The following AGBL1 variants were observed in gnomAD, a reference collection of about 807,000 sequenced individuals.
The protein encoded by AGBL1 is cytosolic carboxypeptidase 4.
A neutral mutation model predicts 118.9 loss-of-function variants in AGBL1; 130 were observed. The ratio of observed to expected loss-of-function variants is 1.09; its 90% CI spans 0.95 to 1.26. The LOEUF (loss-of-function observed/expected upper bound fraction) is 1.26, where lower values mean the gene tolerates loss of function less well. Among genes scored for constraint, AGBL1 ranks in the 50% most tolerant of loss-of-function variants. The pLI, the probability that AGBL1 is intolerant of heterozygous loss-of-function variation, is 0.00. For synonymous variants in AGBL1, 555 were observed against 478.9 expected (o/e 1.16, Z -2.08); for missense variants, 1,584 against 1,298.1 (o/e 1.22, Z -3.38).
At chr15:86,766,520 C>T (rs572433015) in intron 22 of AGBL1, among the ~76,000 whole-genome samples, 31 of 151,702 alleles carry the variant, frequency 2.0e-4, no homozygotes, top group Non-Finnish European at 3.7e-4. Context: ...ATCCTAGGCC[C>T]ATCAATTACA....
rs566760102 is a variant in AGBL1 at position 86,087,292 on chromosome 15, C to G, written c.51+7269C>G. Among the ~76,000 whole-genome samples the G allele has an allele frequency of 6.7e-5, 10 of 149,990 alleles. No homozygotes were observed. The South Asian group carries it at 2.1e-3, about 32-fold the overall frequency. ...TGAAACAGCTTCTGCAAGTCAGGAGCTATGCAAAGTTTTTCACATGCATTG... is the reference window on the plus strand; with the variant it reads ...TGAAACAGCTTCTGCAAGTCAGGAGGTATGCAAAGTTTTTCACATGCATTG... On this transcript the variant is annotated intron_variant, in intron 1 of 22. Coordinates refer to ENST00000614907, the MANE Select transcript of AGBL1 (RefSeq NM_001386094.1).
chr15:86,362,190 TTTTA>T (rs1426047460), intron 17 of AGBL1, among the ~76,000 whole-genome samples: 1 of 149,354 alleles, frequency 6.7e-6, no homozygotes, highest in African/African-American at 2.5e-5. Context: ...AAAACTATAC[TTTTA>T]CTCTCTCACA....
chr15:86,140,131 A>C (rs1023674509), intron 1 of AGBL1: 1 of 165,490 alleles, frequency 6.0e-6, no homozygotes, highest in Admixed American at 6.1e-5. Context: ...GTCAGATGCC[A>C]AGTTCTTCAC....
intron 23 of AGBL1, among the ~76,000 whole-genome samples, chr15:86,934,270 G>A (rs2080639811): frequency 6.6e-6 from 1 of 152,132 alleles, no homozygotes; most frequent in South Asian, 2.1e-4. Flanking sequence ...CAAAGTAGGG[G>A]CATCAAATGA....
intron 21 of AGBL1, among the ~76,000 whole-genome samples, chr15:86,665,350 A>G (rs958666106): frequency 1.7e-4 from 10 of 57,614 alleles, no homozygotes; most frequent in Non-Finnish European, 3.3e-4. Flanking sequence ...TTTCCTTGGA[A>G]AGACTGCAGT....
At chr15:86,834,630 C>T (rs989210614) in intron 22 of AGBL1, among the ~76,000 whole-genome samples, 17 of 152,188 alleles carry the variant, frequency 1.1e-4, no homozygotes, top group Non-Finnish European at 2.5e-4. Flanking sequence ...TATGTACCCT[C>T]TCTGATCCTT....
At chr15:86,570,245 G>A (rs1310519812) in intron 21 of AGBL1, among the ~76,000 whole-genome samples, 1 of 152,220 alleles carries the variant, frequency 6.6e-6, no homozygotes, top group African/African-American at 2.4e-5. Context: ...GCTGGGGGAG[G>A]TCCCCAAACA....
chr15:86,871,812 G>C (rs1292904823), intron 22 of AGBL1, among the ~76,000 whole-genome samples: 2 of 152,144 alleles, frequency 1.3e-5, no homozygotes, highest in African/African-American at 4.8e-5. Context: ...TGCCAAAAGA[G>C]TTTTTGGGAC....
At chr15:86,298,181 G>A (rs776245550) in intron 17 of AGBL1, among the ~76,000 whole-genome samples, 18 of 146,204 alleles carry the variant, frequency 1.2e-4, no homozygotes, top group Non-Finnish European at 1.9e-4. Flanking sequence ...CCTAAGCCAC[G>A]TGCTGGGGCA....
chr15:86,359,387 CTTTTTTTTT>C (rs56189861), intron 17 of AGBL1, among the ~76,000 whole-genome samples: 3 of 93,808 alleles, frequency 3.2e-5, no homozygotes, highest in East Asian at 3.5e-4. Flanking sequence ...TATTGGTTTT[CTTTTTTTTT>C]TTTTTTTTTT....
chr15:86,897,764 CTTTTTTTTT>C (rs71460231), intron 22 of AGBL1, among the ~76,000 whole-genome samples: 1 of 80,622 alleles, frequency 1.2e-5, no homozygotes, highest in African/African-American at 5.0e-5. Context: ...CATCTTTTAT[CTTTTTTTTT>C]TTTTTTTTTT....
Position 86,931,566 on chromosome 15 carries a change from TTGC to T in AGBL1, c.3222-56373_3222-56371del, listed in dbSNP as rs59067780. Among the ~76,000 whole-genome samples the T allele has an allele frequency of 6.4e-3, 959 of 150,508 alleles. 8 individuals carry two copies. The highest frequency in any genetic ancestry group is 0.012 in the East Asian group (61 of 5,056). On this transcript the variant is annotated intron_variant, in intron 23 of 24. Transcript: ENST00000441037. ...AGCAACAAAATGAATAGTGGTGCTT[TTGC>T]TGCTGCTGCTGCTGCTGCTGCTGCT...
At chr15:86,657,595 G>A (rs1330308849) in intron 21 of AGBL1, among the ~76,000 whole-genome samples, 2 of 152,134 alleles carry the variant, frequency 1.3e-5, no homozygotes, top group African/African-American at 4.8e-5. Flanking sequence ...GAAAGATTTG[G>A]TGTTATTGCT....
intron 18 of AGBL1, among the ~76,000 whole-genome samples, chr15:86,503,301 T>G (rs2142163651): frequency 1.3e-5 from 2 of 151,504 alleles, no homozygotes; most frequent in Middle Eastern, 3.4e-3. Context: ...CTGTCATTTC[T>G]CCTTTTAATA....
chr15:86,990,537 G>C (rs1433542509), intron 24 of AGBL1, among the ~76,000 whole-genome samples: 1 of 152,024 alleles, frequency 6.6e-6, no homozygotes, highest in African/African-American at 2.4e-5. Context: ...AGAAAGGTTT[G>C]GGTTCTGGAC....
chr15:86,817,401 G>A (rs558911012), intron 22 of AGBL1, among the ~76,000 whole-genome samples: 120 of 151,526 alleles, frequency 7.9e-4, no homozygotes, highest in Non-Finnish European at 1.3e-3. Context: ...AGATGACAGC[G>A]ATGTTGTGGG....
intron 1 of AGBL1, among the ~76,000 whole-genome samples, chr15:86,131,190 AC>A (rs773989773): frequency 4.6e-5 from 7 of 152,104 alleles, no homozygotes; most frequent in Non-Finnish European, 8.8e-5. Flanking sequence ...ATCAAGCTGT[AC>A]CCCAGGATTG....
intron 22 of AGBL1, among the ~76,000 whole-genome samples, chr15:86,713,869 A>C (rs2086598505): frequency 6.6e-6 from 1 of 152,172 alleles, no homozygotes; most frequent in Non-Finnish European, 1.5e-5. Context: ...GACTTGGATT[A>C]GAGTTTGCTA....
chr15:86,829,344 G>C (rs1173839086), intron 22 of AGBL1, among the ~76,000 whole-genome samples: 1 of 152,144 alleles, frequency 6.6e-6, no homozygotes, highest in Non-Finnish European at 1.5e-5. Context: ...CTCTGATAAA[G>C]AGAAGCCTCT....
Sources: gnomAD v4.1 joint callset for allele counts (sites outside exome capture counted in the v4.1 genomes callset) on GRCh38, gnomAD v4.1.1 for gene constraint, MANE v1.5 for transcripts, NCBI Gene and HGNC (gene_info 2026-07-23, HGNC 2026-07-21) for gene names.